The following ZMYM5 variants were observed in gnomAD, a reference collection of about 807,000 sequenced individuals.
ZMYM5 encodes zinc finger MYM-type containing 5.
A neutral mutation model predicts 61.8 loss-of-function variants in ZMYM5; 41 were observed. The observed-to-expected ratio is 0.66, with a 90% CI of 0.52 to 0.86. The LOEUF (loss-of-function observed/expected upper bound fraction) is 0.86. ZMYM5 is among the 40% of genes least tolerant of loss of function. The probability of loss-of-function intolerance (pLI) is 0.00; values close to 1 mark genes in which losing one functional copy is unlikely to be tolerated. For synonymous variants in ZMYM5, 257 were observed against 276.4 expected (o/e 0.93, Z 0.70); for missense variants, 706 against 786.7 (o/e 0.90, Z 1.23).
rs200495647 is a variant in ZMYM5, at chr13:19,838,755, G to A, written c.817C>T (p.Leu273Phe). The change falls in exon 5 of 8, where the codon CTT (leucine) becomes TTT (phenylalanine). Residue 273 changes from leucine (L) to phenylalanine (F), a missense_variant. Coordinates refer to ENST00000337963, the MANE Select transcript of ZMYM5 (RefSeq NM_001142684.2). The part of the protein sequence containing the change: ...SAHLFCSTTC[L>F]SSFSHKRTQN... ...GTACGTTTATGAGAGAAGGAAGAAA[G>A]GCAGGTGGTAGAGCAAAAGAGGTGA... The A allele has an allele frequency of 1.3e-5, 21 of 1,614,204 alleles. No homozygotes were observed. The Admixed American group carries it at 3.3e-4, about 26-fold the overall frequency.
intron 7 of ZMYM5, among the ~76,000 whole-genome samples, chr13:19,834,863 AT>A (rs1254119498): frequency 6.6e-6 from 1 of 151,666 alleles, no homozygotes; most frequent in African/African-American, 2.4e-5. Flanking sequence ...TAATTTTTGT[AT>A]TTTTAGTAGA....
At position 19,851,849 on chromosome 13, in the gene ZMYM5, C is replaced by T; in HGVS notation, c.332G>A (p.Gly111Glu). 1 of 1,612,214 alleles carries T rather than the reference C, an allele frequency of 6.2e-7. No homozygotes were observed. The highest frequency in any genetic ancestry group is 8.5e-7 in the Non-Finnish European group (1 of 1,179,630). The change falls in exon 3 of 8, where the codon GGA becomes GAA. Residue 111 changes from glycine (G) to glutamate (E), a missense_variant. Gly to Glu is a moderately conservative substitution (Grantham distance 98, BLOSUM62 -2). Coordinates refer to ENST00000337963, the MANE Select transcript of ZMYM5 (RefSeq NM_001142684.2). ...AATAACAATTGTCTCACTTATATTT[C>T]CTTTCTGAGATGCCAAATCTCTTGA... ...PSSRDLASQK[G>E]NISETIVIDD...
chr13:19,834,624 T>G (rs1490997307), intron 7 of ZMYM5, among the ~76,000 whole-genome samples: 4 of 152,156 alleles, frequency 2.6e-5, no homozygotes, highest in Admixed American at 1.3e-4. Context: ...ACTAGAATTA[T>G]CAAGTGCTTA....
At chr13:19,854,338 T>C (rs1953427637) in intron 2 of ZMYM5, among the ~76,000 whole-genome samples, 1 of 152,134 alleles carries the variant, frequency 6.6e-6, no homozygotes. Flanking sequence ...CTCTAAAAAT[T>C]TCCCTGCTGG....
At chr13:19,853,532 ATTC>A (rs1332997883) in intron 2 of ZMYM5, among the ~76,000 whole-genome samples, 1 of 151,470 alleles carries the variant, frequency 6.6e-6, no homozygotes, top group African/African-American at 2.4e-5. Context: ...AGCTCAAGTG[ATTC>A]TCCCACCTGG....
chr13:19,850,879 C>T (rs905830702), intron 4 of ZMYM5, among the ~76,000 whole-genome samples: 2 of 151,954 alleles, frequency 1.3e-5, no homozygotes, highest in South Asian at 2.1e-4. Flanking sequence ...CCAAGTAGAC[C>T]GTACAGTTTT....
At chr13:19,847,168 C>T (rs1356613916) in intron 4 of ZMYM5, among the ~76,000 whole-genome samples, 3 of 152,016 alleles carry the variant, frequency 2.0e-5, no homozygotes, top group Admixed American at 6.6e-5. Flanking sequence ...AGGCTGGTCT[C>T]GAACTCCCAG....
chr13:19,826,790 A>C (rs1890940451), intron 7 of ZMYM5, among the ~76,000 whole-genome samples: 1 of 152,078 alleles, frequency 6.6e-6, no homozygotes, highest in African/African-American at 2.4e-5. Flanking sequence ...GTCCACACAA[A>C]AACTTAGACC....
rs191576217 is a variant in ZMYM5 at position 19,844,030 on chromosome 13, C to T, written c.587-5045G>A. 6.5e-3 allele frequency among the ~76,000 whole-genome samples: 925 copies of T among 142,334 alleles called. 5 individuals carry two copies. The highest frequency in any genetic ancestry group is 9.0e-3 in the Non-Finnish European group (595 of 65,772). The allele number at this position is 142,334 out of a possible 152,430, so 93.4% of individuals were successfully genotyped here. The stretch of plus-strand genomic sequence containing the variant: ...GCAGGCGCCTGTAGTCCCAGCTATT[C>T]GGGAGGCTGAGGCAGGAGAATGGCA... On this transcript the variant is annotated intron_variant, in intron 4 of 7. Transcript: ENST00000337963.
chr13:19,828,018 CAAAAAAAAAAAAA>C (rs66670324), intron 7 of ZMYM5, among the ~76,000 whole-genome samples: 5 of 65,872 alleles, frequency 7.6e-5, no homozygotes, highest in Non-Finnish European at 1.4e-4. Context: ...GACTCCATCT[CAAAAAAAAAAAAA>C]AAAAAAAAAA....
At chr13:19,851,220 C>T in intron 4 of ZMYM5, 135 bp downstream of exon 4, 1 of 869,092 alleles carries the variant, frequency 1.2e-6, no homozygotes, top group Non-Finnish European at 1.8e-6. Context: ...ACTCGGTCTC[C>T]AAAAACAAAC....
intron 2 of ZMYM5, among the ~76,000 whole-genome samples, chr13:19,858,534 G>A (rs1440595682): frequency 7.2e-6 from 1 of 138,966 alleles, no homozygotes; most frequent in African/African-American, 2.6e-5. Context: ...GCAGTGAGCC[G>A]AGATGGGCCA....
Position 19,824,826 on chromosome 13 carries a change from T to G in ZMYM5, c.1661A>C (p.Asn554Thr), listed in dbSNP as rs1277212026. The change falls in exon 8 of 8, where the codon AAT becomes ACT. Residue 554 changes from asparagine (N) to threonine (T), a missense_variant. This residue lies in a region of ZMYM5 where 226 missense variants were observed against 325.0 expected (regional missense o/e 0.70). Coordinates refer to ENST00000337963, the MANE Select transcript of ZMYM5 (RefSeq NM_001142684.2). ...AGTTTCTGAAAACTTCCTCCCTGTA[T>G]TATCTTTTGGAAAGTTAAAATTTCT... ...QVRNFNFPKD[N>T]TGRKFSETYY... 7.4e-7 allele frequency: 1 copy of G among 1,351,402 alleles called. No individual in the cohort carries two copies. The highest frequency in any genetic ancestry group is 4.6e-5 in the East Asian group (1 of 21,870). 83.7% of individuals were successfully genotyped at this position (1,351,402 alleles called of 1,614,324 possible).
chr13:19,829,994 G>T (rs1891121549), intron 7 of ZMYM5, among the ~76,000 whole-genome samples: 1 of 152,110 alleles, frequency 6.6e-6, no homozygotes, highest in Non-Finnish European at 1.5e-5. Flanking sequence ...ATTATTTGTT[G>T]TGAGAACTGT....
At chr13:19,837,081 G>C (rs1009483506) in intron 6 of ZMYM5, among the ~76,000 whole-genome samples, 1 of 151,320 alleles carries the variant, frequency 6.6e-6, no homozygotes, top group African/African-American at 2.4e-5. Flanking sequence ...ACCCAGGCTG[G>C]AGTACAGTGG....
At chr13:19,846,064 TTATGAA>T (rs1422498749) in intron 4 of ZMYM5, among the ~76,000 whole-genome samples, 1 of 152,194 alleles carries the variant, frequency 6.6e-6, no homozygotes, top group Non-Finnish European at 1.5e-5. Flanking sequence ...TCCAAGGAGC[TTATGAA>T]TATAACAAAG....
intron 2 of ZMYM5, among the ~76,000 whole-genome samples, chr13:19,852,841 G>A (rs1953364421): frequency 6.6e-6 from 1 of 152,140 alleles, no homozygotes; most frequent in African/African-American, 2.4e-5. Context: ...CTTAAACTCA[G>A]GGCTCTAAAA....
chr13:19,855,971 G>A (rs1356434679), intron 2 of ZMYM5, among the ~76,000 whole-genome samples: 1 of 151,460 alleles, frequency 6.6e-6, no homozygotes, highest in Non-Finnish European at 1.5e-5. Flanking sequence ...AGCAGAGATG[G>A]CGCCACTGCA....
intron 4 of ZMYM5, chr13:19,843,476 A>G (rs924288167): frequency 6.6e-6 from 1 of 151,924 alleles, no homozygotes; most frequent in East Asian, 1.9e-4. Flanking sequence ...ATAAACATGA[A>G]TGACATCTAA....
Sources: allele counts gnomAD v4.1 joint callset (sites outside exome capture counted in the v4.1 genomes callset), GRCh38; gene constraint gnomAD v4.1.1; regional missense constraint gnomAD v4.1.1; transcripts MANE v1.5; gene names NCBI Gene and HGNC (gene_info 2026-07-23, HGNC 2026-07-21).